UNCX: variants seen among roughly 807,000 people sequenced by gnomAD.
The protein encoded by UNCX is homeobox protein unc-4 homolog.
In UNCX, 4 loss-of-function variants were observed where a neutral mutation model predicts 14.8. The observed-to-expected ratio is 0.27, with a 90% CI of 0.13 to 0.62. The LOEUF is 0.62. UNCX is among the 20% of genes least tolerant of loss of function. The probability of loss-of-function intolerance (pLI) is 0.86; values close to 1 mark genes in which losing one functional copy is unlikely to be tolerated. For synonymous variants in UNCX, 459 were observed against 395.8 expected (o/e 1.16, Z -1.90); for missense variants, 749 against 786.8 (o/e 0.95, Z 0.58).
chr7:1,237,111 A>AT lies in UNCX; in HGVS notation c.*142dup, dbSNP rs1451763623. On this transcript the variant is annotated 3_prime_UTR_variant, in exon 3 of 3. Transcript: ENST00000316333. The surrounding 1 kb of genome is among the most constrained non-coding windows in gnomAD (Gnocchi z 5.8). ...TTTCTTTTGTTTTCTTTCTTTTATT[A>AT]TTTTTTTTAAGAGTAAACGAAAGTG... The AT allele has an allele frequency of 4.4e-4, 385 of 877,894 alleles. No homozygotes were observed. The highest frequency in any genetic ancestry group is 3.2e-3 in the African/African-American group (174 of 55,228). 54.4% of individuals were successfully genotyped at this position (877,894 alleles called of 1,614,324 possible).
chr7:1,232,975 G>T lies in UNCX; in HGVS notation c.-43G>T, dbSNP rs1778669377. The T allele has an allele frequency of 1.9e-6, 2 of 1,032,474 alleles. No individual in the cohort carries two copies. The highest frequency in any genetic ancestry group is 1.7e-5 in the African/African-American group (1 of 57,536). 64.0% of individuals were successfully genotyped at this position (1,032,474 alleles called of 1,614,324 possible). ...CTGGCCCGCCCCGGCCCCGGCCCGC[G>T]CCCCCGCGCCCCGCCACCGGCCCCG... On this transcript the variant is annotated 5_prime_UTR_variant, in exon 1 of 3. Coordinates refer to ENST00000316333, the MANE Select transcript of UNCX (RefSeq NM_001080461.3).
chr7:1,233,797 C>A lies in UNCX; in HGVS notation c.450+102C>A. On this transcript the variant is annotated intron_variant, in intron 2 of 2. Transcript: ENST00000316333. This position sits in a 1 kb window ranked among gnomAD's most constrained non-coding sequence, Gnocchi z 5.3. ...GTGGCGAGATATCGTCCCCTTGCCG[C>A]GGGCCCGCTTCGCGCTCGCCTGCTG... is the stretch of plus-strand genomic sequence containing the variant. 3 of 1,409,076 alleles carry A rather than the reference C, an allele frequency of 2.1e-6. No individual in the cohort carries two copies. The highest frequency in any genetic ancestry group is 2.8e-6 in the Non-Finnish European group (3 of 1,058,310). The allele number at this position is 1,409,076 out of a possible 1,614,324, so 87.3% of individuals were successfully genotyped here.
chr7:1,233,397 C>G lies in UNCX; in HGVS notation c.274+106C>G. On this transcript the variant is annotated intron_variant, in intron 1 of 2. Transcript: ENST00000316333. The surrounding 1 kb of genome is among the most constrained non-coding windows in gnomAD (Gnocchi z 5.3). ...GGGGCTGGCGAAGGAGAGCCGGCTCCTAGGCGGCCGTCTCTGCGCCCCCCC... is the reference window on the plus strand; with the variant it reads ...GGGGCTGGCGAAGGAGAGCCGGCTCGTAGGCGGCCGTCTCTGCGCCCCCCC... 1 of 1,308,558 alleles carries G rather than the reference C, an allele frequency of 7.6e-7. No individual in the cohort carries two copies. The highest frequency in any genetic ancestry group is 9.7e-7 in the Non-Finnish European group (1 of 1,027,318). The allele number at this position is 1,308,558 out of a possible 1,614,324, so 81.1% of individuals were successfully genotyped here.
In UNCX at chr7:1,236,798, G is replaced by C; in HGVS notation, c.1417G>C (p.Gly473Arg). 4.1e-6 allele frequency: 4 copies of C among 986,890 alleles called. No homozygotes were observed. The highest frequency in any genetic ancestry group is 4.8e-6 in the Non-Finnish European group (4 of 832,514). 61.1% of individuals were successfully genotyped at this position (986,890 alleles called of 1,614,324 possible). ...LASAAATEGG[G>R]GDCADAGTAG... is the part of the protein sequence containing the mutation. ...CTCGGCAGCGGCTACCGAGGGCGGC[G>C]GCGGGGACTGCGCGGACGCGGGGAC... Residue 473 changes from glycine to arginine, a missense_variant, in exon 3 of 3, where the codon GGC becomes CGC. Around this residue, in one of 3 missense-constraint regions of UNCX, gnomAD observed 552 missense variants for 507.2 expected, o/e 1.09. Transcript: ENST00000316333. The surrounding 1 kb of genome is among the most constrained non-coding windows in gnomAD (Gnocchi z 6.9).
intron 2 of UNCX, among the ~76,000 whole-genome samples, chr7:1,234,678 C>G (rs1778706671): frequency 7.0e-6 from 1 of 142,272 alleles, no homozygotes; most frequent in Non-Finnish European, 1.5e-5. Flanking sequence ...TAAGTGAAGT[C>G]AAGACCCCTC....
In UNCX at chr7:1,232,974, C is replaced by G; in HGVS notation, c.-44C>G. ...GCTGGCCCGCCCCGGCCCCGGCCCG[C>G]GCCCCCGCGCCCCGCCACCGGCCCC... On this transcript the variant is annotated 5_prime_UTR_variant, in exon 1 of 3. Coordinates refer to ENST00000316333, the MANE Select transcript of UNCX (RefSeq NM_001080461.3). 9.7e-7 allele frequency: 1 copy of G among 1,029,622 alleles called. No homozygotes were observed. The highest frequency in any genetic ancestry group is 4.4e-5 in the South Asian group (1 of 22,496). 63.8% of individuals were successfully genotyped at this position (1,029,622 alleles called of 1,614,324 possible). A position where few individuals can be genotyped will look rare whatever the true frequency, so the allele number is the denominator to read the frequency against.
chr7:1,236,585 C>A lies in UNCX; in HGVS notation c.1204C>A (p.Leu402Met). The A allele has an allele frequency of 8.3e-7, 1 of 1,208,344 alleles. No individual in the cohort carries two copies. The highest frequency in any genetic ancestry group is 2.4e-5 in the South Asian group (1 of 41,642). The allele number at this position is 1,208,344 out of a possible 1,614,324, so 74.9% of individuals were successfully genotyped here. The change falls in exon 3 of 3, where the codon CTG becomes ATG. Residue 402 changes from leucine (L) to methionine (M), a missense_variant. Physicochemically the swap from Leu to Met is conservative, Grantham distance 15. Transcript: ENST00000316333. This position sits in a 1 kb window ranked among gnomAD's most constrained non-coding sequence, Gnocchi z 6.9. ...GGCCGCGCTCAAGGGCGGCGCGGGC[C>A]TGGAGCCGGCGCCCAAGGACGCGCC... ...PQAALKGGAG[L>M]EPAPKDAPPA...
rs1778679296 is a variant in UNCX at position 1,233,294 on chromosome 7, A to T, written c.274+3A>T. Reference sequence around the variant, plus strand: ...CGGCCAGCCCTTCAAGCTGTCAGGTAGGCGCGGCGGGCGGGAGGGCGGGGA... The same window carrying T: ...CGGCCAGCCCTTCAAGCTGTCAGGTTGGCGCGGCGGGCGGGAGGGCGGGGA... On this transcript the variant is annotated splice_donor_region_variant and intron_variant, in intron 1 of 2. Coordinates refer to ENST00000316333, the MANE Select transcript of UNCX (RefSeq NM_001080461.3). This position sits in a 1 kb window ranked among gnomAD's most constrained non-coding sequence, Gnocchi z 5.3. 2.6e-6 allele frequency: 3 copies of T among 1,155,486 alleles called. No individual in the cohort carries two copies. Among genetic ancestry groups the T allele is most frequent in the Non-Finnish European group, 3.3e-6 (3 of 907,178 alleles). 71.6% of individuals were successfully genotyped at this position (1,155,486 alleles called of 1,614,324 possible). A position where few individuals can be genotyped will look rare whatever the true frequency, so the allele number is the denominator to read the frequency against.
chr7:1,237,177 G>C lies in UNCX; in HGVS notation c.*200G>C. The C allele has an allele frequency of 3.2e-6, 1 of 311,632 alleles. No homozygotes were observed. Among genetic ancestry groups the C allele is most frequent in the Non-Finnish European group, 5.0e-6 (1 of 200,516 alleles). The allele number at this position is 311,632 out of a possible 1,614,324, so 19.3% of individuals were successfully genotyped here. A position where few individuals can be genotyped will look rare whatever the true frequency, so the allele number is the denominator to read the frequency against. On this transcript the variant is annotated 3_prime_UTR_variant, in exon 3 of 3. Transcript: ENST00000316333. The surrounding 1 kb of genome is among the most constrained non-coding windows in gnomAD (Gnocchi z 5.8). ...CCCAGGCAGCAACCACAGGACTGGG[G>C]GTGAGACCCTCCTCCTCCCAAGAGA...
At position 1,233,542 on chromosome 7, in the gene UNCX, G is replaced by A; in HGVS notation, c.297G>A (p.Glu99=). Residue 99 remains glutamate (E), a synonymous_variant, in exon 2 of 3, where the codon GAG becomes GAA. Transcript: ENST00000316333. The surrounding 1 kb of genome is among the most constrained non-coding windows in gnomAD (Gnocchi z 5.3). ...CAGACTCGGGGGACCCGGACAAGGA[G>A]AGCCCGGGCTGCAAGCGGCGGCGCA... ...KLSDSGDPDK[E]SPGCKRRRTR... The A allele has an allele frequency of 5.0e-6, 8 of 1,612,512 alleles. No homozygotes were observed. Among genetic ancestry groups the A allele is most frequent in the South Asian group, 1.1e-5 (1 of 91,058 alleles).
At position 1,233,471 on chromosome 7, in the gene UNCX, G is replaced by C; in HGVS notation, c.275-49G>C. ...GTAGCGGGAGGGAGGGGTGGGGGTC[G>C]GGCCTGGGCCGGTGGCTGAGCCGCG... On this transcript the variant is annotated intron_variant, in intron 1 of 2. Coordinates refer to ENST00000316333, the MANE Select transcript of UNCX (RefSeq NM_001080461.3). The surrounding 1 kb of genome is among the most constrained non-coding windows in gnomAD (Gnocchi z 5.3). 6.7e-7 allele frequency: 1 copy of C among 1,484,830 alleles called. No homozygotes were observed. Among genetic ancestry groups the C allele is most frequent in the Admixed American group, 2.2e-5 (1 of 45,054 alleles). The allele number at this position is 1,484,830 out of a possible 1,614,324, so 92.0% of individuals were successfully genotyped here. A position where few individuals can be genotyped will look rare whatever the true frequency, so the allele number is the denominator to read the frequency against.
At position 1,233,451 on chromosome 7, in the gene UNCX, G is replaced by C; in HGVS notation, c.275-69G>C. The stretch of plus-strand genomic sequence containing the variant: ...CGGATCCAGGCGGCCAGCGGGTAGC[G>C]GGAGGGAGGGGTGGGGGTCGGGCCT... On this transcript the variant is annotated intron_variant, in intron 1 of 2. Coordinates refer to ENST00000316333, the MANE Select transcript of UNCX (RefSeq NM_001080461.3). This position sits in a 1 kb window ranked among gnomAD's most constrained non-coding sequence, Gnocchi z 5.3. 7.2e-7 allele frequency: 1 copy of C among 1,393,356 alleles called. No homozygotes were observed. 86.3% of individuals were successfully genotyped at this position (1,393,356 alleles called of 1,614,324 possible).
At position 1,236,150 on chromosome 7, in the gene UNCX, C is replaced by A; in HGVS notation, c.769C>A (p.Pro257Thr). The A allele has an allele frequency of 9.7e-6, 12 of 1,237,800 alleles. No individual in the cohort carries two copies. The highest frequency in any genetic ancestry group is 1.2e-5 in the Non-Finnish European group (12 of 986,730). The allele number at this position is 1,237,800 out of a possible 1,614,324, so 76.7% of individuals were successfully genotyped here. A position where few individuals can be genotyped will look rare whatever the true frequency, so the allele number is the denominator to read the frequency against. ...GCCGCCGCCGCCCGCCGCCAAGGGC[C>A]CCGGAGCGCACGCCTCGGGCGCCGC... is the stretch of plus-strand genomic sequence containing the variant. ...PEPPPPAAKG[P>T]GAHASGAAGT... The change falls in exon 3 of 3, where the codon CCC (proline) becomes ACC (threonine). Residue 257 changes from proline to threonine, a missense_variant. By Grantham distance (38) the Pro-to-Thr change is conservative (BLOSUM62 -1). Around this residue, in one of 3 missense-constraint regions of UNCX, gnomAD observed 552 missense variants for 507.2 expected, o/e 1.09. Coordinates refer to ENST00000316333, the MANE Select transcript of UNCX (RefSeq NM_001080461.3). This position sits in a 1 kb window ranked among gnomAD's most constrained non-coding sequence, Gnocchi z 6.9.
rs958992625 is a variant in UNCX at position 1,236,827 on chromosome 7, C to G, written c.1446C>G (p.Ala482=). The change falls in exon 3 of 3, where the codon GCC becomes GCG. Residue 482 remains alanine, a synonymous_variant. Coordinates refer to ENST00000316333, the MANE Select transcript of UNCX (RefSeq NM_001080461.3). The surrounding 1 kb of genome is among the most constrained non-coding windows in gnomAD (Gnocchi z 6.9). ...GGGACTGCGCGGACGCGGGGACCGC[C>G]GGCCCCGCGCCCCCGCCGCCCGCGC... ...GGGDCADAGT[A]GPAPPPPAPS... 75 of 987,420 alleles carry G rather than the reference C, an allele frequency of 7.6e-5. No individual in the cohort carries two copies. The African/African-American group carries it at 1.3e-3, about 17-fold the overall frequency. 61.2% of individuals were successfully genotyped at this position (987,420 alleles called of 1,614,324 possible). A position where few individuals can be genotyped will look rare whatever the true frequency, so the allele number is the denominator to read the frequency against.
At position 1,233,718 on chromosome 7, in the gene UNCX, G is replaced by A. The variant is rs746982329; in HGVS notation, c.450+23G>A. The stretch of plus-strand genomic sequence containing the variant: ...CAGGTAAAGACCCGGCGTCGCTCCC[G>A]GATCTGCCATCCGGACCCCAGGCTC... On this transcript the variant is annotated intron_variant, in intron 2 of 2. Transcript: ENST00000316333. This position sits in a 1 kb window ranked among gnomAD's most constrained non-coding sequence, Gnocchi z 5.3. 4 of 1,577,936 alleles carry A rather than the reference G, an allele frequency of 2.5e-6. No individual in the cohort carries two copies. Among genetic ancestry groups the A allele is most frequent in the East Asian group, 2.4e-5 (1 of 42,456 alleles).
rs1778669075 is a variant in UNCX at position 1,232,963 on chromosome 7, G to A, written c.-55G>A. The A allele has an allele frequency of 2.2e-6, 2 of 915,570 alleles. No individual in the cohort carries two copies. The highest frequency in any genetic ancestry group is 4.8e-5 in the South Asian group (1 of 20,740). The allele number at this position is 915,570 out of a possible 1,614,324, so 56.7% of individuals were successfully genotyped here. A position where few individuals can be genotyped will look rare whatever the true frequency, so the allele number is the denominator to read the frequency against. The stretch of plus-strand genomic sequence containing the variant: ...CGCCTCCCGCCGCTGGCCCGCCCCG[G>A]CCCCGGCCCGCGCCCCCGCGCCCCG... On this transcript the variant is annotated 5_prime_UTR_variant, in exon 1 of 3. Coordinates refer to ENST00000316333, the MANE Select transcript of UNCX (RefSeq NM_001080461.3).
At position 1,235,741 on chromosome 7, in the gene UNCX, G is replaced by A. The variant is rs528457788; in HGVS notation, c.451-91G>A. ...GCCCCGGCCGAGCGGAGGTTGTGCA[G>A]GCCCCTCTGGGGGGAGCGGGGAGGT... is the stretch of plus-strand genomic sequence containing the variant. On this transcript the variant is annotated intron_variant, in intron 2 of 2. Coordinates refer to ENST00000316333, the MANE Select transcript of UNCX (RefSeq NM_001080461.3). The A allele has an allele frequency of 2.1e-4, 258 of 1,202,096 alleles. 1 individual carries two copies. The East Asian group carries it at 6.2e-3, about 29-fold the overall frequency. 74.5% of individuals were successfully genotyped at this position (1,202,096 alleles called of 1,614,324 possible). A position where few individuals can be genotyped will look rare whatever the true frequency, so the allele number is the denominator to read the frequency against.
In UNCX at chr7:1,236,219, A is replaced by G; in HGVS notation, c.838A>G (p.Thr280Ala). ...TCCCGGCGAGCCGCCTGCACCCGGCACCTGCGACCCCGCCTTCTACCCGAG... is the reference window on the plus strand; with the variant it reads ...TCCCGGCGAGCCGCCTGCACCCGGCGCCTGCGACCCCGCCTTCTACCCGAG... ...APPGEPPAPGTCDPAFYPSQR... is the reference protein window; with the variant it reads ...APPGEPPAPGACDPAFYPSQR... The change falls in exon 3 of 3, where the codon ACC (threonine) becomes GCC (alanine). Residue 280 changes from threonine (T) to alanine (A), a missense_variant. This residue lies in a region of UNCX where 552 missense variants were observed against 507.2 expected (regional missense o/e 1.09). Transcript: ENST00000316333. This position sits in a 1 kb window ranked among gnomAD's most constrained non-coding sequence, Gnocchi z 6.9. The G allele has an allele frequency of 7.4e-7, 1 of 1,348,174 alleles. No homozygotes were observed. The highest frequency in any genetic ancestry group is 9.6e-7 in the Non-Finnish European group (1 of 1,039,886). 83.5% of individuals were successfully genotyped at this position (1,348,174 alleles called of 1,614,324 possible).
At position 1,236,824 on chromosome 7, in the gene UNCX, C is replaced by G. The variant is rs1315475748; in HGVS notation, c.1443C>G (p.Thr481=). 4 of 986,972 alleles carry G rather than the reference C, an allele frequency of 4.1e-6. No individual in the cohort carries two copies. Among genetic ancestry groups the G allele is most frequent in the Admixed American group, 6.2e-5 (1 of 16,010 alleles). The allele number at this position is 986,972 out of a possible 1,614,324, so 61.1% of individuals were successfully genotyped here. ...GCGGGGACTGCGCGGACGCGGGGAC[C>G]GCCGGCCCCGCGCCCCCGCCGCCCG... ...GGGGDCADAG[T]AGPAPPPPAP... The change falls in exon 3 of 3, where the codon ACC becomes ACG. Residue 481 remains threonine (T), a synonymous_variant. Coordinates refer to ENST00000316333, the MANE Select transcript of UNCX (RefSeq NM_001080461.3). The surrounding 1 kb of genome is among the most constrained non-coding windows in gnomAD (Gnocchi z 6.9).
Sources: gnomAD v4.1 joint callset for allele counts (sites outside exome capture counted in the v4.1 genomes callset) on GRCh38, gnomAD v4.1.1 for gene constraint, gnomAD v4.1.1 regional missense constraint, Gnocchi (gnomAD v3.1) non-coding constraint, MANE v1.5 for transcripts, NCBI Gene and HGNC (gene_info 2026-07-23, HGNC 2026-07-21) for gene names.